The following VPS53 variants were observed in gnomAD, a reference collection of about 807,000 sequenced individuals.
The protein encoded by VPS53 is VPS53 subunit of GARP complex.
In VPS53, 70 loss-of-function variants were observed where a neutral mutation model predicts 107.0. That is an observed-to-expected ratio of 0.65 (90% CI 0.54 to 0.80). VPS53 has a LOEUF of 0.80. Among genes scored for constraint, VPS53 ranks in the 30% least tolerant of loss-of-function variants. The pLI is 0.00. For missense variants in VPS53, 917 were observed against 1,049.4 expected, an observed-to-expected ratio of 0.87 and a Z score of 1.74; for synonymous variants, 409 against 393.3, an observed-to-expected ratio of 1.04 and a Z score of -0.47.
chr17:657,649 G>A (rs1971246929), intron 5 of VPS53: 4 of 594,928 alleles, frequency 6.7e-6, no homozygotes, highest in Non-Finnish European at 1.2e-5. Flanking sequence ...TACCTGGAAG[G>A]AAGGGAGTGC....
intron 15 of VPS53, among the ~76,000 whole-genome samples, chr17:558,959 G>C (rs1912696443): frequency 6.6e-6 from 1 of 151,994 alleles, no homozygotes; most frequent in Non-Finnish European, 1.5e-5. Context: ...CATGGCCACT[G>C]CACTCCAGCC....
At chr17:607,539 G>C (rs759485432) in intron 11 of VPS53, among the ~76,000 whole-genome samples, 3 of 152,212 alleles carry the variant, frequency 2.0e-5, no homozygotes, top group Non-Finnish European at 2.9e-5. Context: ...TCTGTGCTAA[G>C]AGCCACACAG....
chr17:623,684 A>G lies in VPS53; in HGVS notation c.975-10T>C. 3 of 1,607,892 alleles carry G rather than the reference A, an allele frequency of 1.9e-6. No individual in the cohort carries two copies. In the South Asian group the frequency reaches 3.3e-5, roughly 18 times the overall value. ...CTTGGCAAGTTCTGCCCTTCAAAAC[A>G]AAGAGATAAGAATACTATCAAACAA... On this transcript the variant is annotated splice_polypyrimidine_tract_variant and intron_variant, in intron 10 of 21. Coordinates refer to ENST00000437048, the MANE Select transcript of VPS53 (RefSeq NM_001128159.3).
At chr17:527,480 A>G (rs79405381) in intron 19 of VPS53, among the ~76,000 whole-genome samples, 1,741 of 152,306 alleles carry the variant, frequency 0.011, 42 homozygotes, top group African/African-American at 0.039. Flanking sequence ...CTGCTGGATC[A>G]TGGGGTAGGC....
intron 11 of VPS53, among the ~76,000 whole-genome samples, chr17:622,205 T>A (rs112260312): frequency 6.6e-6 from 1 of 151,998 alleles, no homozygotes; most frequent in African/African-American, 2.4e-5. Flanking sequence ...AGCAAGACTC[T>A]GTCTAAAAAA....
intron 4 of VPS53, among the ~76,000 whole-genome samples, chr17:689,439 A>G (rs1196489589): frequency 1.4e-5 from 2 of 147,836 alleles, no homozygotes; most frequent in African/African-American, 2.5e-5. Flanking sequence ...CCAAGACTAT[A>G]GGTTTGTGCC....
At chr17:642,422 T>C (rs1322236612) in intron 7 of VPS53, among the ~76,000 whole-genome samples, 2 of 150,442 alleles carry the variant, frequency 1.3e-5, no homozygotes, top group African/African-American at 4.9e-5. Context: ...CACTCATACT[T>C]GGAAAGCGAG....
At chr17:678,240 C>T (rs1972242884) in intron 4 of VPS53, among the ~76,000 whole-genome samples, 1 of 151,694 alleles carries the variant, frequency 6.6e-6, no homozygotes, top group Non-Finnish European at 1.5e-5. Context: ...GCCAACATAG[C>T]AAAACCCTAT....
chr17:690,436 T>C (rs879605966), intron 4 of VPS53, among the ~76,000 whole-genome samples: 10 of 152,236 alleles, frequency 6.6e-5, no homozygotes, highest in Admixed American at 6.5e-4. Flanking sequence ...AAAATCCGGA[T>C]TTCCGGCTGC....
chr17:700,551 C>A (rs1973159234), intron 2 of VPS53, among the ~76,000 whole-genome samples: 2 of 150,376 alleles, frequency 1.3e-5, no homozygotes, highest in Non-Finnish European at 3.0e-5. Context: ...AACTCTGTCT[C>A]AAAAAAAAAT....
At chr17:693,009 C>T (rs1972829644) in intron 4 of VPS53, among the ~76,000 whole-genome samples, 1 of 152,222 alleles carries the variant, frequency 6.6e-6, no homozygotes. Context: ...TGGTGCATGC[C>T]TGTAATCCCA....
At chr17:621,353 C>T (rs1045425550) in intron 11 of VPS53, among the ~76,000 whole-genome samples, 9 of 152,232 alleles carry the variant, frequency 5.9e-5, no homozygotes, top group African/African-American at 1.9e-4. Flanking sequence ...ATTACAGACA[C>T]AGCCAAGCCT....
chr17:557,056 T>C (rs1912497076), intron 15 of VPS53, among the ~76,000 whole-genome samples: 1 of 152,212 alleles, frequency 6.6e-6, no homozygotes, highest in Non-Finnish European at 1.5e-5. Flanking sequence ...TTTTGCCATG[T>C]TGACGAGACT....
rs138435199 is a variant in VPS53, at chr17:660,309, TAG to T, written c.372+1498_372+1499del. ...CATAAGGTTGTGGTGAGGGCTAAATTAGAGTGCTGACACAAAGGAACCAGCAC... is the reference window on the plus strand; with the variant it reads ...CATAAGGTTGTGGTGAGGGCTAAATTAGTGCTGACACAAAGGAACCAGCAC... On this transcript the variant is annotated intron_variant, in intron 5 of 21. Transcript: ENST00000437048. Among the ~76,000 whole-genome samples the T allele has an allele frequency of 9.9e-3, 1,510 of 152,248 alleles. 26 individuals are homozygous for T. The highest frequency in any genetic ancestry group is 0.034 in the African/African-American group (1,412 of 41,528).
At chr17:584,827 C>G (rs766232352) in intron 13 of VPS53, among the ~76,000 whole-genome samples, 1 of 151,992 alleles carries the variant, frequency 6.6e-6, no homozygotes, top group African/African-American at 2.4e-5. Flanking sequence ...TACCTGGCCA[C>G]GTGAAAAGCA....
Position 714,793 on chromosome 17 carries a change from C to G in VPS53, c.-84G>C, listed in dbSNP as rs1022414599. On this transcript the variant is annotated 5_prime_UTR_variant, in exon 1 of 22. Transcript: ENST00000437048. ...CACCCAGGCCCCAGCACAGCAACTC[C>G]CTCGCGGCAGCGACCTGGTGAGCCC... 5.5e-5 allele frequency: 83 copies of G among 1,508,522 alleles called. No individual in the cohort carries two copies. Among genetic ancestry groups the G allele is most frequent in the Non-Finnish European group, 4.6e-6 (5 of 1,088,046 alleles). 93.4% of individuals were successfully genotyped at this position (1,508,522 alleles called of 1,614,324 possible). A position where few individuals can be genotyped will look rare whatever the true frequency, so the allele number is the denominator to read the frequency against.
rs982770222 is a variant in VPS53, at chr17:593,884, C to T, written c.1219-7520G>A. On this transcript the variant is annotated intron_variant, in intron 12 of 21. Coordinates refer to ENST00000437048, the MANE Select transcript of VPS53 (RefSeq NM_001128159.3). ...CGTATGTTTATTGCAGCATTATTCA[C>T]GATAGCAAAGACTTGGAACCAACCC... 2.2e-4 allele frequency among the ~76,000 whole-genome samples: 34 copies of T among 152,198 alleles called. 1 individual carries two copies. Among genetic ancestry groups the T allele is most frequent in the Admixed American group, 1.5e-3 (23 of 15,280 alleles).
At chr17:548,508 GGCC>G (rs1911474587) in intron 17 of VPS53, among the ~76,000 whole-genome samples, 1 of 132,396 alleles carries the variant, frequency 7.6e-6, no homozygotes, top group South Asian at 2.4e-4. Flanking sequence ...ACTCCACTTT[GGCC>G]AGCCAACAGT....
intron 12 of VPS53, among the ~76,000 whole-genome samples, chr17:599,461 T>C (rs1968214693): frequency 6.6e-6 from 1 of 151,276 alleles, no homozygotes; most frequent in Non-Finnish European, 1.5e-5. Context: ...CCCCCAACCC[T>C]GTGCTCTCTG....
Sources: allele counts gnomAD v4.1 joint callset (sites outside exome capture counted in the v4.1 genomes callset), GRCh38; gene constraint gnomAD v4.1.1; transcripts MANE v1.5; gene names NCBI Gene and HGNC (gene_info 2026-07-23, HGNC 2026-07-21).